The following FRMPD1 variants were observed in gnomAD, a reference collection of about 807,000 sequenced individuals.
FRMPD1 encodes the protein FERM and PDZ domain-containing protein 1.
A neutral mutation model predicts 117.8 loss-of-function variants in FRMPD1; 76 were observed. That is an observed-to-expected ratio of 0.65 (90% CI 0.54 to 0.78). FRMPD1 has a LOEUF of 0.78. Among genes scored for constraint, FRMPD1 ranks in the 30% least tolerant of loss-of-function variants. The pLI is 0.00. For synonymous variants in FRMPD1, 783 were observed against 770.4 expected, an observed-to-expected ratio of 1.02 and a Z score of -0.27; for missense variants, 1,786 against 1,964.5, an observed-to-expected ratio of 0.91 and a Z score of 1.72.
chr9:37,628,503 CAG>C, the FRMPD1 span, among the ~76,000 whole-genome samples: 5 of 152,128 alleles, frequency 3.3e-5, no homozygotes, highest in South Asian at 2.1e-4. Flanking sequence ...TAAAAGCAAA[CAG>C]AAATAATAGT....
chr9:37,715,980 T>A (rs117321315), intron 5 of FRMPD1, among the ~76,000 whole-genome samples: 3,904 of 152,284 alleles, frequency 0.026, 81 homozygotes, highest in South Asian at 0.079. Context: ...TGACCATTCC[T>A]CATAGATGGG....
chr9:37,649,443 A>G (rs1350738692), upstream of FRMPD1, among the ~76,000 whole-genome samples: 2 of 152,166 alleles, frequency 1.3e-5, no homozygotes, highest in Admixed American at 1.3e-4. Flanking sequence ...CAAAAGGCTC[A>G]CTCAGCCCGT....
intron 5 of FRMPD1, among the ~76,000 whole-genome samples, chr9:37,712,512 T>C (rs568152585): frequency 6.6e-6 from 1 of 152,250 alleles, no homozygotes; most frequent in South Asian, 2.1e-4. Flanking sequence ...CCCACCACCA[T>C]GCTGAGCTAA....
intron 1 of FRMPD1, among the ~76,000 whole-genome samples, chr9:37,684,088 AAT>A (rs1164935423): frequency 6.7e-6 from 1 of 150,230 alleles, no homozygotes; most frequent in Non-Finnish European, 1.5e-5. Context: ...AACAACAGGT[AAT>A]ACAGTTCTGC....
chr9:37,626,102 G>A, the FRMPD1 span, among the ~76,000 whole-genome samples: 1 of 152,106 alleles, frequency 6.6e-6, no homozygotes, highest in African/African-American at 2.4e-5. Context: ...TGAGGCAGGC[G>A]AATCACCTGA....
chr9:37,694,532 G>A (rs1822253594), intron 2 of FRMPD1, among the ~76,000 whole-genome samples: 1 of 152,056 alleles, frequency 6.6e-6, no homozygotes, highest in Admixed American at 6.6e-5. Flanking sequence ...CCAGCCCCAG[G>A]TAACCACTAA....
chr9:37,631,675 C>T, the FRMPD1 span, among the ~76,000 whole-genome samples: 23,761 of 152,194 alleles, frequency 0.16, 2,572 homozygotes, highest in East Asian at 0.58. Context: ...ATGATCATAG[C>T]TCACTGCAGC....
At chr9:37,677,666 A>C (rs879328077) in intron 1 of FRMPD1, among the ~76,000 whole-genome samples, 4 of 152,166 alleles carry the variant, frequency 2.6e-5, no homozygotes, top group Non-Finnish European at 4.4e-5. Flanking sequence ...TGTTGACATG[A>C]AAGGTCACTG....
chr9:37,711,117 C>T (rs1198320622), intron 4 of FRMPD1, among the ~76,000 whole-genome samples: 1 of 152,114 alleles, frequency 6.6e-6, no homozygotes, highest in African/African-American at 2.4e-5. Flanking sequence ...CGAAAATTCC[C>T]TCCAGGTGGG....
intron 15 of FRMPD1, among the ~76,000 whole-genome samples, chr9:37,741,802 C>G (rs1175930671): frequency 6.6e-6 from 1 of 152,200 alleles, no homozygotes; most frequent in Non-Finnish European, 1.5e-5. Flanking sequence ...CCTCCTCCAG[C>G]CTTTGCACAT....
intron 1 of FRMPD1, among the ~76,000 whole-genome samples, chr9:37,677,041 A>C (rs1465852493): frequency 1.3e-5 from 2 of 152,200 alleles, no homozygotes; most frequent in African/African-American, 4.8e-5. Flanking sequence ...AAATCCCTTA[A>C]TTTGAGATGG....
intron 1 of FRMPD1, among the ~76,000 whole-genome samples, chr9:37,664,881 G>A (rs117607544): frequency 2.0e-5 from 3 of 152,054 alleles, no homozygotes; most frequent in African/African-American, 4.8e-5. Flanking sequence ...TAGCTTTTGT[G>A]GGGGGCAATT....
chr9:37,724,348 T>A, intron 7 of FRMPD1, 28 bp downstream of exon 7: 1 of 1,229,044 alleles, frequency 8.1e-7, no homozygotes, highest in Non-Finnish European at 1.2e-6. Flanking sequence ...GAACTTCTTT[T>A]CCCAAGAAGA....
chr9:37,633,383 T>C, the FRMPD1 span, among the ~76,000 whole-genome samples: 2 of 152,244 alleles, frequency 1.3e-5, no homozygotes, highest in Non-Finnish European at 2.9e-5. Context: ...AATTTCTTTC[T>C]AGAAATGTGT....
chr9:37,618,592 G>A, the FRMPD1 span, among the ~76,000 whole-genome samples: 1 of 152,130 alleles, frequency 6.6e-6, no homozygotes, highest in East Asian at 1.9e-4. Context: ...TACCTTACAA[G>A]TATTGAAAGC....
chr9:37,711,555 G>A (rs531252809), intron 5 of FRMPD1, among the ~76,000 whole-genome samples, 160 bp downstream of exon 5: 1 of 152,150 alleles, frequency 6.6e-6, no homozygotes, highest in Non-Finnish European at 1.5e-5. Flanking sequence ...GTTATCTGAA[G>A]ACCTCCTCCA....
intron 1 of FRMPD1, among the ~76,000 whole-genome samples, chr9:37,680,923 A>G (rs777687081): frequency 2.0e-5 from 3 of 152,090 alleles, no homozygotes; most frequent in Non-Finnish European, 2.9e-5. Flanking sequence ...AAAAGAAACA[A>G]TTTGGGCTGG....
At chr9:37,698,549 C>CTTTTTTTTTTTT (rs531498194) in intron 2 of FRMPD1, among the ~76,000 whole-genome samples, 4 of 74,600 alleles carry the variant, frequency 5.4e-5, no homozygotes, top group African/African-American at 6.7e-5. Context: ...ATCTCATTAT[C>CTTTTTTTTTTTT]TTTTTTTTTT....
At chr9:37,730,855 G>T in intron 8 of FRMPD1, 129 bp from the exon 9 acceptor site, 2 of 899,404 alleles carry the variant, frequency 2.2e-6, no homozygotes, top group Non-Finnish European at 3.5e-6. Flanking sequence ...TGGCTGTCTT[G>T]GGAAGCACTA....
Sources: allele counts gnomAD v4.1 joint callset (sites outside exome capture counted in the v4.1 genomes callset), GRCh38; gene constraint gnomAD v4.1.1; transcripts MANE v1.5; gene names NCBI Gene and HGNC (gene_info 2026-07-23, HGNC 2026-07-21).